The following MAP3K14 variants were observed in gnomAD, a reference collection of about 807,000 sequenced individuals.
MAP3K14 encodes the protein NF-kappa-beta-inducing kinase.
In MAP3K14, 16 loss-of-function variants were observed where a neutral mutation model predicts 99.2. The observed-to-expected ratio is 0.16, with a 90% CI of 0.11 to 0.24. MAP3K14 has a LOEUF of 0.24. Among genes scored for constraint, MAP3K14 ranks in the 10% least tolerant of loss-of-function variants. MAP3K14 has a pLI of 1.00. For synonymous variants in MAP3K14, 462 were observed against 492.4 expected, an observed-to-expected ratio of 0.94 and a Z score of 0.82; for missense variants, 784 against 1,208.7, an observed-to-expected ratio of 0.65 and a Z score of 5.21.
At chr17:45,275,755 CTTTTCT>C (rs1226969699) in intron 6 of MAP3K14, among the ~76,000 whole-genome samples, 34 of 113,248 alleles carry the variant, frequency 3.0e-4, no homozygotes, top group African/African-American at 8.5e-4. Context: ...TTTTTCTTTT[CTTTTCT>C]TTTTTTTTTT....
chr17:45,265,537 A>G (rs2044071758), intron 14 of MAP3K14, among the ~76,000 whole-genome samples: 1 of 152,228 alleles, frequency 6.6e-6, no homozygotes, highest in African/African-American at 2.4e-5. Flanking sequence ...TCCCGGGTTC[A>G]AGTGATTCTC....
intron 2 of MAP3K14, 142 bp from the exon 3 acceptor site, chr17:45,289,447 C>G (rs994048443): frequency 4.5e-6 from 3 of 660,688 alleles, no homozygotes; most frequent in Non-Finnish European, 2.7e-6. Context: ...GTCACCTCCC[C>G]ACCAATGCCT....
At chr17:45,297,636 G>C (rs1432617751) in intron 1 of MAP3K14, among the ~76,000 whole-genome samples, 1 of 149,786 alleles carries the variant, frequency 6.7e-6, no homozygotes, top group Non-Finnish European at 1.5e-5. Context: ...ATAGGAAAAA[G>C]AAACAATGGT....
intron 1 of MAP3K14, among the ~76,000 whole-genome samples, chr17:45,313,424 C>G (rs999385809): frequency 6.6e-6 from 1 of 152,178 alleles, no homozygotes; most frequent in East Asian, 1.9e-4. Context: ...CTACTCAAAA[C>G]AGCCCCATGA....
intron 1 of MAP3K14, among the ~76,000 whole-genome samples, chr17:45,315,303 G>A (rs2044521342): frequency 6.6e-6 from 1 of 152,064 alleles, no homozygotes; most frequent in Admixed American, 6.6e-5. Flanking sequence ...CTTCAGAACT[G>A]CTTCTTATAA....
intron 3 of MAP3K14, among the ~76,000 whole-genome samples, 184 bp from the exon 4 acceptor site, chr17:45,287,548 A>G (rs2074289): frequency 0.069 from 10,543 of 152,218 alleles, 614 homozygotes; most frequent in East Asian, 0.18. Context: ...CACTTATAAA[A>G]TGGGTTTGGT....
Position 45,290,951 on chromosome 17 carries a change from C to T in MAP3K14, c.-20-186G>A, listed in dbSNP as rs145872754. The T allele has an allele frequency of 2.4e-3, 1,379 of 580,438 alleles. 5 individuals carry two copies. Among genetic ancestry groups the T allele is most frequent in the South Asian group, 8.2e-3 (406 of 49,386 alleles). The allele number at this position is 580,438 out of a possible 1,614,324, so 36.0% of individuals were successfully genotyped here. ...CAGAGTCCACCTCTCAACAGCTACA[C>T]GTTCCACACGGCACAGTCCCCCGGT... On this transcript the variant is annotated intron_variant, in intron 1 of 15. Coordinates refer to ENST00000344686, the MANE Select transcript of MAP3K14 (RefSeq NM_003954.5).
chr17:45,316,863 G>C (rs1478892584), intron 1 of MAP3K14, 97 bp downstream of exon 1: 2 of 151,820 alleles, frequency 1.3e-5, no homozygotes, highest in Non-Finnish European at 2.9e-5. Context: ...GGGGCGAGGG[G>C]CCAGGCCGCA....
rs1342259241 is a variant in MAP3K14, at chr17:45,290,630, A to G, written c.116T>C (p.Val39Ala). ...CTTCTCCACGGCCTCAAGCTTGTAG[A>G]CGGAGCTCTGTTTCTTCCCCAGTGG... ...TPPLGKKQSS[V>A]YKLEAVEKSP... The change falls in exon 2 of 16, where the codon GTC becomes GCC. Residue 39 changes from valine to alanine, a missense_variant. By Grantham distance (64) the Val-to-Ala change is moderately conservative. Coordinates refer to ENST00000344686, the MANE Select transcript of MAP3K14 (RefSeq NM_003954.5). The G allele has an allele frequency of 6.2e-7, 1 of 1,613,492 alleles. No individual in the cohort carries two copies. The highest frequency in any genetic ancestry group is 1.7e-5 in the Admixed American group (1 of 59,972).
At chr17:45,265,315 G>A in intron 14 of MAP3K14, 52 bp from the exon 15 acceptor site, 1 of 1,251,196 alleles carries the variant, frequency 8.0e-7, no homozygotes, top group Non-Finnish European at 1.2e-6. Flanking sequence ...GCTCCCCAAG[G>A]ACCAGGGTCC....
At chr17:45,277,494 C>G (rs752989444) in intron 6 of MAP3K14, among the ~76,000 whole-genome samples, 3 of 152,148 alleles carry the variant, frequency 2.0e-5, no homozygotes, top group Non-Finnish European at 2.9e-5. Flanking sequence ...AAAATGTCGC[C>G]CTTCTGGTTC....
Position 45,270,540 on chromosome 17 carries a change from C to T in MAP3K14, c.1845G>A (p.Val615=). The T allele has an allele frequency of 1.3e-6, 2 of 1,568,434 alleles. No individual in the cohort carries two copies. The highest frequency in any genetic ancestry group is 1.7e-6 in the Non-Finnish European group (2 of 1,159,224). ...GGGCGCAGGAGGGTGGGATCTCCCT[C>T]ACAGGCGGAGGCTCGCTGGCAATCT... is the stretch of plus-strand genomic sequence containing the variant. ...CLKIASEPPP[V]REIPPSCAPL... is the part of the protein sequence containing the mutation. The change falls in exon 11 of 16, where the codon GTG becomes GTA. Residue 615 remains valine, a synonymous_variant. Transcript: ENST00000344686.
intron 6 of MAP3K14, among the ~76,000 whole-genome samples, chr17:45,275,822 C>T (rs2044175997): frequency 6.9e-6 from 1 of 145,300 alleles, no homozygotes; most frequent in African/African-American, 2.6e-5. Context: ...AGTACAGTGA[C>T]GTGATCTCTA....
At chr17:45,299,423 C>T (rs558852795) in intron 1 of MAP3K14, among the ~76,000 whole-genome samples, 28 of 152,220 alleles carry the variant, frequency 1.8e-4, no homozygotes, top group African/African-American at 6.7e-4. Flanking sequence ...AAAAGAAAAT[C>T]CTGCCATTGG....
In MAP3K14 at chr17:45,274,682, C is replaced by T. The variant is rs17685379; in HGVS notation, c.1291-89G>A. 0.12 allele frequency: 174,834 copies of T among 1,476,580 alleles called. 10,998 individuals are homozygous for T. Among genetic ancestry groups the T allele is most frequent in the Admixed American group, 0.14 (6,517 of 45,754 alleles). 91.5% of individuals were successfully genotyped at this position (1,476,580 alleles called of 1,614,324 possible). Reference sequence around the variant, plus strand: ...CCTGTCAGCACCCTAGTGCTCCACACACAGAGGCTGCTGCTGTTTCCAGTG... The same window carrying T: ...CCTGTCAGCACCCTAGTGCTCCACATACAGAGGCTGCTGCTGTTTCCAGTG... On this transcript the variant is annotated intron_variant, in intron 6 of 15. Transcript: ENST00000344686.
chr17:45,286,416 C>T lies in MAP3K14; in HGVS notation c.1152+15G>A, dbSNP rs760438783. ...CTGGTAGAGGGACATATACAGGTGC[C>T]GGGGGATTAGTTACCTCAGTGAGCA... On this transcript the variant is annotated intron_variant, in intron 5 of 15. Coordinates refer to ENST00000344686, the MANE Select transcript of MAP3K14 (RefSeq NM_003954.5). The surrounding 1 kb of genome is among the most constrained non-coding windows in gnomAD (Gnocchi z 4.1). The T allele has an allele frequency of 5.7e-5, 90 of 1,571,312 alleles. 1 individual carries two copies. The highest frequency in any genetic ancestry group is 3.6e-4 in the South Asian group (31 of 85,910).
At chr17:45,290,447 C>T in intron 2 of MAP3K14, 43 bp downstream of exon 2, 2 of 1,606,526 alleles carry the variant, frequency 1.2e-6, no homozygotes, top group South Asian at 1.1e-5. Context: ...CACCTGCAGG[C>T]CCACCCACCT....
Position 45,263,295 on chromosome 17 carries a change from G to A in MAP3K14, c.*1341C>T, listed in dbSNP as rs2044033729. ...GACAAAGGCTGTCTTGGCAAGATGTGGGAATGAGCTTCTCCCACGGAGTCT... is the reference window on the plus strand; with the variant it reads ...GACAAAGGCTGTCTTGGCAAGATGTAGGAATGAGCTTCTCCCACGGAGTCT... On this transcript the variant is annotated 3_prime_UTR_variant, in exon 16 of 16. Coordinates refer to ENST00000344686, the MANE Select transcript of MAP3K14 (RefSeq NM_003954.5). 1 of 152,484 alleles carries A rather than the reference G, an allele frequency of 6.6e-6. No homozygotes were observed. The highest frequency in any genetic ancestry group is 2.4e-5 in the African/African-American group (1 of 41,438). 9.4% of individuals were successfully genotyped at this position (152,484 alleles called of 1,614,324 possible). A position where few individuals can be genotyped will look rare whatever the true frequency, so the allele number is the denominator to read the frequency against.
At chr17:45,271,646 A>G (rs2044143524) in intron 9 of MAP3K14, among the ~76,000 whole-genome samples, 1 of 152,196 alleles carries the variant, frequency 6.6e-6, no homozygotes, top group East Asian at 1.9e-4. Flanking sequence ...GTGCCCGGAC[A>G]TGTTAAAATA....
Sources: allele counts gnomAD v4.1 joint callset (sites outside exome capture counted in the v4.1 genomes callset), GRCh38; gene constraint gnomAD v4.1.1; non-coding constraint Gnocchi (gnomAD v3.1); transcripts MANE v1.5; gene names NCBI Gene and HGNC (gene_info 2026-07-23, HGNC 2026-07-21).